Variants in GRM7 observed in about 807,000 individuals in gnomAD.
GRM7 encodes metabotropic glutamate receptor 7.
Under a neutral mutation model 84.5 loss-of-function variants are expected in GRM7, and 35 were observed. That is an observed-to-expected ratio of 0.41 (90% CI 0.32 to 0.55). The LOEUF (loss-of-function observed/expected upper bound fraction) is 0.55, where lower values mean the gene tolerates loss of function less well. Ranked by LOEUF, GRM7 falls within the 20% of genes least tolerant of loss-of-function variation. The pLI is 0.19. For synonymous variants in GRM7, 487 were observed against 455.1 expected (o/e 1.07, Z -0.89); for missense variants, 1,003 against 1,194.6 (o/e 0.84, Z 2.36).
chr3:7,051,558 A>G (rs1267271632), intron 1 of GRM7, among the ~76,000 whole-genome samples: 2 of 151,780 alleles, frequency 1.3e-5, no homozygotes, highest in Admixed American at 1.3e-4. Context: ...TTTTCTTTTT[A>G]ACTCAAATTA....
chr3:7,238,738 T>TTTTTC (rs200669610), intron 2 of GRM7, among the ~76,000 whole-genome samples: 5,526 of 150,760 alleles, frequency 0.037, 187 homozygotes, highest in African/African-American at 0.086. Context: ...TCTTTTCTTT[T>TTTTTC]TTTTCTTTTC....
intron 8 of GRM7, among the ~76,000 whole-genome samples, chr3:7,667,963 G>GTGTT (rs1314497913): frequency 6.6e-6 from 1 of 152,120 alleles, no homozygotes. Flanking sequence ...GCTAACCTGG[G>GTGTT]TGTTAGCACA....
chr3:7,705,935 C>A (rs1468350505), intron 9 of GRM7, among the ~76,000 whole-genome samples: 1 of 152,118 alleles, frequency 6.6e-6, no homozygotes, highest in Non-Finnish European at 1.5e-5. Flanking sequence ...CCACATGGAA[C>A]AATTCAGCTT....
chr3:7,154,608 G>A (rs991936777), intron 2 of GRM7, among the ~76,000 whole-genome samples: 1 of 152,026 alleles, frequency 6.6e-6, no homozygotes, highest in Non-Finnish European at 1.5e-5. Context: ...CTGGCAGAGA[G>A]GTTAAAGATG....
At position 7,271,282 on chromosome 3, in the gene GRM7, G is replaced by A. The variant is rs143211000; in HGVS notation, c.737-27402G>A. 1.7e-4 allele frequency among the ~76,000 whole-genome samples: 26 copies of A among 152,198 alleles called. No individual in the cohort carries two copies. In the East Asian group the frequency reaches 4.8e-3, roughly 28 times the overall value. On this transcript the variant is annotated intron_variant, in intron 2 of 9. Transcript: ENST00000357716. ...TCGTTAGAAATGCAGAATCTCGGCCGGGCGCAGTGGCTAACGCCTGTAATC... is the reference window on the plus strand; with the variant it reads ...TCGTTAGAAATGCAGAATCTCGGCCAGGCGCAGTGGCTAACGCCTGTAATC...
chr3:7,099,511 T>C (rs897791311), intron 1 of GRM7, among the ~76,000 whole-genome samples: 3 of 146,908 alleles, frequency 2.0e-5, no homozygotes, highest in Non-Finnish European at 3.0e-5. Context: ...CATGTACACA[T>C]ATATGTATAT....
intron 7 of GRM7, among the ~76,000 whole-genome samples, chr3:7,535,980 G>T (rs1471432717): frequency 6.6e-6 from 1 of 152,168 alleles, no homozygotes; most frequent in Non-Finnish European, 1.5e-5. Context: ...TTTCATAGGA[G>T]CCCTGCTCCT....
chr3:7,398,076 A>G (rs1033646767), intron 4 of GRM7, among the ~76,000 whole-genome samples: 2 of 152,208 alleles, frequency 1.3e-5, no homozygotes, highest in Non-Finnish European at 2.9e-5. Flanking sequence ...ATAACTTCTA[A>G]AAGTTTTCAT....
At chr3:7,119,716 C>T (rs1179929041) in intron 1 of GRM7, among the ~76,000 whole-genome samples, 1 of 152,124 alleles carries the variant, frequency 6.6e-6, no homozygotes, top group Admixed American at 6.5e-5. Flanking sequence ...AGCTCTTCCT[C>T]TGTTCCAGTT....
At chr3:7,339,632 G>T (rs796797603) in intron 4 of GRM7, among the ~76,000 whole-genome samples, 3 of 152,212 alleles carry the variant, frequency 2.0e-5, no homozygotes, top group African/African-American at 7.2e-5. Context: ...CAGCATTCCT[G>T]GTGCACAGGT....
chr3:7,675,277 T>C (rs1425654965), intron 8 of GRM7, among the ~76,000 whole-genome samples: 1 of 152,182 alleles, frequency 6.6e-6, no homozygotes, highest in African/African-American at 2.4e-5. Context: ...AATATTCTGG[T>C]TTTCAAAGTT....
Position 7,313,868 on chromosome 3 carries a change from A to T in GRM7, c.1033+7216A>T, listed in dbSNP as rs1700491759. Among the ~76,000 whole-genome samples, 3 of 152,262 alleles carry T rather than the reference A, an allele frequency of 2.0e-5. No homozygotes were observed. In the Middle Eastern group the frequency reaches 0.01, roughly 518 times the overall value. On this transcript the variant is annotated intron_variant, in intron 4 of 9. Coordinates refer to ENST00000357716, the MANE Select transcript of GRM7 (RefSeq NM_000844.4). The stretch of plus-strand genomic sequence containing the variant: ...ACTAACGAATGCTCTTACAATCATG[A>T]AGTCAGTACAGCTTGTGGTTCATGA...
intron 8 of GRM7, among the ~76,000 whole-genome samples, chr3:7,604,006 G>C (rs1355230559): frequency 1.3e-5 from 2 of 151,990 alleles, no homozygotes; most frequent in Non-Finnish European, 2.9e-5. Context: ...ATACTGGGTA[G>C]AATTTATCTT....
At chr3:7,665,240 C>T (rs1699640649) in intron 8 of GRM7, among the ~76,000 whole-genome samples, 1 of 146,446 alleles carries the variant, frequency 6.8e-6, no homozygotes, top group African/African-American at 2.6e-5. Context: ...GGCGCAATCT[C>T]GGCTCACTGC....
intron 4 of GRM7, among the ~76,000 whole-genome samples, chr3:7,397,800 A>C (rs898019964): frequency 6.6e-6 from 1 of 152,072 alleles, no homozygotes; most frequent in African/African-American, 2.4e-5. Flanking sequence ...CATTGTCACA[A>C]CTTGGGGGCT....
intron 9 of GRM7, among the ~76,000 whole-genome samples, chr3:7,706,524 A>G (rs1260181239): frequency 6.6e-6 from 1 of 152,190 alleles, no homozygotes; most frequent in African/African-American, 2.4e-5. Context: ...AAGCTGTTAT[A>G]CTAACAATAC....
chr3:7,308,844 T>C (rs1700290972), intron 4 of GRM7, among the ~76,000 whole-genome samples: 1 of 152,190 alleles, frequency 6.6e-6, no homozygotes, highest in Admixed American at 6.5e-5. Flanking sequence ...ATGCCTGATA[T>C]TTTAGGGAAC....
At chr3:6,891,677 A>T (rs1282930936) in intron 1 of GRM7, among the ~76,000 whole-genome samples, 1 of 151,840 alleles carries the variant, frequency 6.6e-6, no homozygotes, top group Non-Finnish European at 1.5e-5. Context: ...TTTTTCCTTC[A>T]TTTCAACTTT....
intron 2 of GRM7, among the ~76,000 whole-genome samples, chr3:7,282,861 C>T (rs2124998602): frequency 6.6e-6 from 1 of 152,284 alleles, no homozygotes; most frequent in Admixed American, 6.5e-5. Flanking sequence ...AAGAGAGGAA[C>T]TCATTTGAAA....
Sources: allele counts gnomAD v4.1 joint callset (sites outside exome capture counted in the v4.1 genomes callset), GRCh38; gene constraint gnomAD v4.1.1; transcripts MANE v1.5; gene names NCBI Gene and HGNC (gene_info 2026-07-23, HGNC 2026-07-21).